Variants in NAV3 observed in about 807,000 individuals in gnomAD.
NAV3 encodes neuron navigator 3.
NAV3 carries 87 observed loss-of-function variants against 244.7 expected under a neutral mutation model. That is an observed-to-expected ratio of 0.36 (90% confidence interval 0.30 to 0.42). NAV3 has a LOEUF of 0.42. NAV3 is among the 20% of genes least tolerant of loss of function. The pLI, the probability that NAV3 is intolerant of heterozygous loss-of-function variation, is 1.00. For synonymous variants in NAV3, 1,126 were observed against 1,042.2 expected, an observed-to-expected ratio of 1.08 and a Z score of -1.55; for missense variants, 2,663 against 2,893.3, an observed-to-expected ratio of 0.92 and a Z score of 1.83.
intron 12 of NAV3, among the ~76,000 whole-genome samples, chr12:78,074,415 G>C (rs539352517): frequency 6.6e-6 from 1 of 152,234 alleles, no homozygotes; most frequent in East Asian, 1.9e-4. Context: ...TAAAAGACAT[G>C]ATGTAGCCAG....
Position 78,049,116 on chromosome 12 carries a change from A to G in NAV3, c.2024-877A>G, listed in dbSNP as rs182587778. 4.0e-3 allele frequency among the ~76,000 whole-genome samples: 609 copies of G among 152,276 alleles called. 5 individuals carry two copies. The highest frequency in any genetic ancestry group is 0.014 in the African/African-American group (584 of 41,550). On this transcript the variant is annotated intron_variant, in intron 9 of 39. Coordinates refer to ENST00000397909, the MANE Select transcript of NAV3 (RefSeq NM_001024383.2). Reference sequence around the variant, plus strand: ...GTGTCCTTCAGACTGCTGTGCTGGCAATGAGAATTTCAAGCCAGTGGATCT... The same window carrying G: ...GTGTCCTTCAGACTGCTGTGCTGGCGATGAGAATTTCAAGCCAGTGGATCT...
intron 16 of NAV3, among the ~76,000 whole-genome samples, chr12:78,123,654 C>T (rs1411238662): frequency 6.6e-6 from 1 of 152,160 alleles, no homozygotes; most frequent in East Asian, 1.9e-4. Context: ...AATTTTAACA[C>T]TAACTAAAAT....
chr12:78,144,393 A>T (rs1956763317), intron 20 of NAV3, among the ~76,000 whole-genome samples: 1 of 148,366 alleles, frequency 6.7e-6, no homozygotes, highest in African/African-American at 2.5e-5. Flanking sequence ...AACCATTGTT[A>T]AAAAAAAAAT....
At chr12:77,621,298 A>G (rs1871359096) in intron 2 of NAV3, among the ~76,000 whole-genome samples, 1 of 152,172 alleles carries the variant, frequency 6.6e-6, no homozygotes, top group South Asian at 2.1e-4. Context: ...ACAGACTCTA[A>G]CATATGTAGA....
intron 2 of NAV3, among the ~76,000 whole-genome samples, chr12:77,718,843 A>G (rs1460155946): frequency 6.6e-6 from 1 of 151,654 alleles, no homozygotes; most frequent in Non-Finnish European, 1.5e-5. Context: ...TTTAGTAGAG[A>G]TAGGGTTTCT....
At chr12:78,100,400 GGAGACCATGCAA>G (rs1954479616) in intron 12 of NAV3, among the ~76,000 whole-genome samples, 2 of 151,778 alleles carry the variant, frequency 1.3e-5, no homozygotes, top group Non-Finnish European at 2.9e-5. Context: ...CTATATTGTA[GGAGACCATGCAA>G]GAGACCTAGA....
At chr12:77,597,464 C>T (rs1041516370) in intron 2 of NAV3, among the ~76,000 whole-genome samples, 3 of 151,942 alleles carry the variant, frequency 2.0e-5, no homozygotes, top group Non-Finnish European at 2.9e-5. Context: ...TTTTCAGTGA[C>T]GCTAAGAAAA....
Position 77,668,178 on chromosome 12 carries a change from T to G in NAV3, c.72+95912T>G, listed in dbSNP as rs78849018. On this transcript the variant is annotated intron_variant, in intron 2 of 8. Transcript: ENST00000550042. ...CTGGATCTGACCTAGTCTACCCAAA[T>G]GAGATGGACCCAGAAAAACATTCTA... Among the ~76,000 whole-genome samples, 1,121 of 152,218 alleles carry G rather than the reference T, an allele frequency of 7.4e-3. 19 individuals carry two copies. The highest frequency in any genetic ancestry group is 0.026 in the African/African-American group (1,071 of 41,554).
At chr12:77,863,499 CAAAT>C (rs1041299180) in intron 1 of NAV3, among the ~76,000 whole-genome samples, 7 of 151,616 alleles carry the variant, frequency 4.6e-5, no homozygotes, top group African/African-American at 9.7e-5. Context: ...AATAAAAAAA[CAAAT>C]AAAATTCTCC....
In NAV3 at chr12:78,198,667, A is replaced by G. The variant is rs1959246030; in HGVS notation, c.6509A>G (p.His2170Arg). The G allele has an allele frequency of 3.2e-6, 5 of 1,548,862 alleles. No homozygotes were observed. The highest frequency in any genetic ancestry group is 1.8e-5 in the Admixed American group (1 of 55,594). The change falls in exon 36 of 40, where the codon CAC becomes CGC. Residue 2170 changes from histidine (H) to arginine (R), a missense_variant. Physicochemically the swap from His to Arg is conservative, Grantham distance 29. Coordinates refer to ENST00000397909, the MANE Select transcript of NAV3 (RefSeq NM_001024383.2). Reference protein sequence around the residue: ...VSSSPNLELHHNFRWVLCANH... With the variant: ...VSSSPNLELHRNFRWVLCANH... ...TCATCACCAAATCTAGAGCTGCATCACAATTTCAGGTAAAGTTAAGTTGAA... is the reference window on the plus strand; with the variant it reads ...TCATCACCAAATCTAGAGCTGCATCGCAATTTCAGGTAAAGTTAAGTTGAA...
intron 3 of NAV3, among the ~76,000 whole-genome samples, chr12:77,946,730 C>A (rs17044562): frequency 0.01 from 1,528 of 152,138 alleles, 32 homozygotes; most frequent in African/African-American, 0.035. Flanking sequence ...AAATGCCCAG[C>A]AAATTAAAAA....
At chr12:77,754,258 A>G (rs11106544) in intron 2 of NAV3, among the ~76,000 whole-genome samples, 6,295 of 152,148 alleles carry the variant, frequency 0.041, 423 homozygotes, top group African/African-American at 0.14. Flanking sequence ...ATTAGGGAAT[A>G]CCAACGCCCC....
At chr12:78,015,446 A>T (rs950776288) in intron 8 of NAV3, among the ~76,000 whole-genome samples, 2 of 151,906 alleles carry the variant, frequency 1.3e-5, no homozygotes, top group Non-Finnish European at 2.9e-5. Flanking sequence ...AATGTTTCTA[A>T]TTTGGGTTTG....
chr12:77,937,582 A>G (rs1889446033), intron 1 of NAV3, among the ~76,000 whole-genome samples: 1 of 152,188 alleles, frequency 6.6e-6, no homozygotes, highest in African/African-American at 2.4e-5. Flanking sequence ...CACAATAGAG[A>G]CATTACAGGT....
intron 12 of NAV3, among the ~76,000 whole-genome samples, chr12:78,071,893 G>A (rs545621359): frequency 8.8e-4 from 134 of 152,182 alleles, no homozygotes; most frequent in African/African-American, 2.6e-3. Flanking sequence ...ACTCAAAACC[G>A]CTCAACTACA....
intron 9 of NAV3, among the ~76,000 whole-genome samples, chr12:78,042,402 T>A (rs756119638): frequency 2.6e-5 from 4 of 152,204 alleles, no homozygotes; most frequent in Non-Finnish European, 5.9e-5. Context: ...GGTAGAACTG[T>A]AGAAACTGGA....
intron 22 of NAV3, among the ~76,000 whole-genome samples, chr12:78,149,305 A>G (rs1956984037): frequency 6.6e-6 from 1 of 152,146 alleles, no homozygotes; most frequent in Non-Finnish European, 1.5e-5. Flanking sequence ...ATCTCAATGT[A>G]TTGAACAATT....
intron 5 of NAV3, among the ~76,000 whole-genome samples, chr12:77,974,447 G>C (rs1273034102): frequency 1.3e-5 from 2 of 149,424 alleles, no homozygotes; most frequent in African/African-American, 4.9e-5. Context: ...ACGGCCAGCT[G>C]TTTATTATTA....
At chr12:77,737,286 C>T (rs570822527) in intron 2 of NAV3, among the ~76,000 whole-genome samples, 4 of 149,406 alleles carry the variant, frequency 2.7e-5, no homozygotes, top group African/African-American at 9.9e-5. Flanking sequence ...GGAAATGCTG[C>T]GTTCACCCAA....
Sources: allele counts gnomAD v4.1 joint callset (sites outside exome capture counted in the v4.1 genomes callset), GRCh38; gene constraint gnomAD v4.1.1; transcripts MANE v1.5; gene names NCBI Gene and HGNC (gene_info 2026-07-23, HGNC 2026-07-21).